The following LRRTM4 variants were observed in gnomAD, a reference collection of about 807,000 sequenced individuals.
LRRTM4 encodes the protein leucine rich repeat transmembrane neuronal 4.
Under a neutral mutation model 47.6 loss-of-function variants are expected in LRRTM4, and 25 were observed. The ratio of observed to expected loss-of-function variants is 0.53; its 90% CI spans 0.38 to 0.73. The LOEUF (loss-of-function observed/expected upper bound fraction) is 0.73. Ranked by LOEUF, LRRTM4 falls within the 30% of genes least tolerant of loss-of-function variation. The probability of loss-of-function intolerance (pLI) is 0.00; values close to 1 mark genes in which losing one functional copy is unlikely to be tolerated. For missense variants in LRRTM4, 638 were observed against 713.4 expected, an observed-to-expected ratio of 0.89 and a Z score of 1.20; for synonymous variants, 311 against 269.5, an observed-to-expected ratio of 1.15 and a Z score of -1.51.
intron 3 of LRRTM4, among the ~76,000 whole-genome samples, chr2:77,317,070 A>G (rs68180989): frequency 0.19 from 28,684 of 152,076 alleles, 3,061 homozygotes; most frequent in East Asian, 0.42. Context: ...AAGGGAATAT[A>G]CTATATAAAC....
At chr2:76,758,453 G>A (rs1673141698) in intron 3 of LRRTM4, among the ~76,000 whole-genome samples, 1 of 152,128 alleles carries the variant, frequency 6.6e-6, no homozygotes, top group South Asian at 2.1e-4. Flanking sequence ...TGATTACCAT[G>A]AGTCTAATAG....
At chr2:76,819,372 A>T (rs1670992551) in intron 3 of LRRTM4, among the ~76,000 whole-genome samples, 1 of 151,886 alleles carries the variant, frequency 6.6e-6, no homozygotes, top group South Asian at 2.1e-4. Context: ...AAATCAGAAG[A>T]CATAAGTAGG....
intron 3 of LRRTM4, among the ~76,000 whole-genome samples, chr2:77,011,307 T>C (rs1233126221): frequency 2.0e-5 from 3 of 152,198 alleles, no homozygotes; most frequent in African/African-American, 7.2e-5. Flanking sequence ...TTTGTACTCA[T>C]ATCTTAATTC....
At chr2:76,801,659 T>TA (rs1315679499) in intron 3 of LRRTM4, among the ~76,000 whole-genome samples, 4 of 151,008 alleles carry the variant, frequency 2.6e-5, no homozygotes, top group African/African-American at 7.3e-5. Context: ...AAACTTAAAG[T>TA]ATAATAAAAA....
At chr2:76,867,425 C>A (rs1672498824) in intron 3 of LRRTM4, among the ~76,000 whole-genome samples, 1 of 152,088 alleles carries the variant, frequency 6.6e-6, no homozygotes, top group Non-Finnish European at 1.5e-5. Flanking sequence ...AATAAAATAC[C>A]TGGGTTATGG....
chr2:76,943,951 TG>T (rs1219961360), intron 3 of LRRTM4, among the ~76,000 whole-genome samples: 3 of 152,138 alleles, frequency 2.0e-5, no homozygotes, highest in African/African-American at 7.2e-5. Flanking sequence ...ATTATCCTCT[TG>T]TTTGGACTAT....
intron 3 of LRRTM4, among the ~76,000 whole-genome samples, chr2:76,958,885 C>G (rs762834479): frequency 1.5e-4 from 22 of 151,648 alleles, no homozygotes; most frequent in Non-Finnish European, 2.5e-4. Flanking sequence ...CACCACCACC[C>G]AAGTATCTTG....
rs61077287 is a variant in LRRTM4 at position 76,942,676 on chromosome 2, C to CTGTGTGTGTGTGTGTGTGTGTG, written c.1552-193782_1552-193761dup. Among the ~76,000 whole-genome samples the CTGTGTGTGTGTGTGTGTGTGTG allele has an allele frequency of 3.7e-3, 546 of 148,300 alleles. 9 individuals are homozygous for CTGTGTGTGTGTGTGTGTGTGTG. The highest frequency in any genetic ancestry group is 0.033 in the East Asian group (164 of 5,024). ...GGTCAAGTAACCAACCTCTAGGAAT[C>CTGTGTGTGTGTGTGTGTGTGTG]TGTGTGTGTGTGTGTGTGTGTGTGT... is the stretch of plus-strand genomic sequence containing the variant. On this transcript the variant is annotated intron_variant, in intron 3 of 3. Transcript: ENST00000409884.
chr2:77,278,359 T>C (rs1676418760), intron 3 of LRRTM4, among the ~76,000 whole-genome samples: 1 of 152,038 alleles, frequency 6.6e-6, no homozygotes, highest in Admixed American at 6.6e-5. Flanking sequence ...TAAAAACATT[T>C]TCTTTGCATG....
chr2:77,273,728 G>A (rs529905095), intron 3 of LRRTM4, among the ~76,000 whole-genome samples: 207 of 152,198 alleles, frequency 1.4e-3, no homozygotes, highest in African/African-American at 4.9e-3. Context: ...AATTTTAAAT[G>A]TGTTGTAGCT....
rs566316661 is a variant in LRRTM4, at chr2:76,773,729, A to C, written c.1552-24813T>G. Among the ~76,000 whole-genome samples the C allele has an allele frequency of 1.6e-3, 239 of 151,998 alleles. 2 individuals carry two copies. The Middle Eastern group carries it at 0.017, about 11-fold the overall frequency. On this transcript the variant is annotated intron_variant, in intron 3 of 3. Coordinates refer to ENST00000409884, the MANE Select transcript of LRRTM4 (RefSeq NM_001134745.3). ...GAAAAACACATTAATAAAATATATA[A>C]AATCAAAAAGATTTTAGGAAGAAGT...
chr2:76,965,095 T>C (rs1675981082), intron 3 of LRRTM4, among the ~76,000 whole-genome samples: 1 of 151,186 alleles, frequency 6.6e-6, no homozygotes. Context: ...GATAGTTTCA[T>C]TGGTGAATTC....
intron 3 of LRRTM4, among the ~76,000 whole-genome samples, chr2:76,813,758 C>A (rs1463552863): frequency 6.6e-6 from 1 of 151,882 alleles, no homozygotes; most frequent in Non-Finnish European, 1.5e-5. Flanking sequence ...TTCAATAAAC[C>A]TTTTTAAGAA....
At chr2:76,860,320 T>A (rs926783793) in intron 3 of LRRTM4, among the ~76,000 whole-genome samples, 1 of 152,174 alleles carries the variant, frequency 6.6e-6, no homozygotes, top group Non-Finnish European at 1.5e-5. Context: ...GAACAGTCCA[T>A]GTTACTAATT....
chr2:76,845,645 A>G (rs79548181), intron 3 of LRRTM4, among the ~76,000 whole-genome samples: 14,796 of 152,188 alleles, frequency 0.097, 1,151 homozygotes, highest in East Asian at 0.33. Context: ...GCATTTTTCT[A>G]TTAAATGGAA....
At chr2:77,091,419 G>A (rs1256592737) in intron 3 of LRRTM4, among the ~76,000 whole-genome samples, 4 of 148,752 alleles carry the variant, frequency 2.7e-5, no homozygotes. Context: ...GCCTGCTACA[G>A]CATGGCCTTT....
chr2:77,200,428 T>C (rs147615925), intron 3 of LRRTM4, among the ~76,000 whole-genome samples: 35 of 152,254 alleles, frequency 2.3e-4, no homozygotes, highest in African/African-American at 6.7e-4. Flanking sequence ...ATAATTGTTA[T>C]GCATATATAT....
In LRRTM4 at chr2:77,152,118, G is replaced by A. The variant is rs114794576; in HGVS notation, c.1551+366200C>T. ...CTTTATGCCACCTTCACCACCTAAC[G>A]CCTTCTGGTAATTATGAAAGGAATT... On this transcript the variant is annotated intron_variant, in intron 3 of 3. Coordinates refer to ENST00000409884, the MANE Select transcript of LRRTM4 (RefSeq NM_001134745.3). Among the ~76,000 whole-genome samples the A allele has an allele frequency of 5.8e-3, 880 of 152,168 alleles. 10 individuals carry two copies. Among genetic ancestry groups the A allele is most frequent in the African/African-American group, 0.02 (843 of 41,530 alleles).
At position 77,519,490 on chromosome 2, in the gene LRRTM4, T is replaced by C. The variant is rs774181880; in HGVS notation, c.379A>G (p.Lys127Glu). Reference protein sequence around the residue: ...SSNKITYLHNKTFHPVPNLRN... With the variant: ...SSNKITYLHNETFHPVPNLRN... Reference sequence around the variant, plus strand: ...AGATTGGGAACTGGGTGAAATGTTTTATTGTGCAGATAAGTAATTTTGTTG... The same window carrying C: ...AGATTGGGAACTGGGTGAAATGTTTCATTGTGCAGATAAGTAATTTTGTTG... Residue 127 changes from lysine to glutamate, a missense_variant, in exon 3 of 4, where the codon AAA becomes GAA. Physicochemically the swap from Lys to Glu is moderately conservative, Grantham distance 56. Coordinates refer to ENST00000409884, the MANE Select transcript of LRRTM4 (RefSeq NM_001134745.3). The surrounding 1 kb of genome is among the most constrained non-coding windows in gnomAD (Gnocchi z 4.6). 5.0e-6 allele frequency: 8 copies of C among 1,613,342 alleles called. No individual in the cohort carries two copies. The highest frequency in any genetic ancestry group is 3.3e-5 in the Admixed American group (2 of 59,866).
Sources: gnomAD v4.1 joint callset for allele counts (sites outside exome capture counted in the v4.1 genomes callset) on GRCh38, gnomAD v4.1.1 for gene constraint, Gnocchi (gnomAD v3.1) non-coding constraint, MANE v1.5 for transcripts, NCBI Gene and HGNC (gene_info 2026-07-23, HGNC 2026-07-21) for gene names.